The following PTPRN2 variants were observed in gnomAD, a reference collection of about 807,000 sequenced individuals.
The protein encoded by PTPRN2 is receptor-type tyrosine-protein phosphatase N2.
PTPRN2 carries 74 observed loss-of-function variants against 118.8 expected under a neutral mutation model. The ratio of observed to expected loss-of-function variants is 0.62; its 90% CI spans 0.52 to 0.76. The LOEUF is 0.76. PTPRN2 is among the 30% of genes least tolerant of loss of function. The pLI, the probability that PTPRN2 is intolerant of heterozygous loss-of-function variation, is 0.00. For missense variants in PTPRN2, 1,481 were observed against 1,394.4 expected, an observed-to-expected ratio of 1.06 and a Z score of -0.99; for synonymous variants, 641 against 608.0, an observed-to-expected ratio of 1.05 and a Z score of -0.80.
chr7:157,897,868 C>T (rs983409258), intron 12 of PTPRN2, among the ~76,000 whole-genome samples: 3 of 152,266 alleles, frequency 2.0e-5, no homozygotes, highest in Admixed American at 1.3e-4. Context: ...TCTCTAATGG[C>T]GAGCGCTGTG....
At chr7:158,451,749 A>G (rs1008962447) in intron 2 of PTPRN2, among the ~76,000 whole-genome samples, 6 of 152,214 alleles carry the variant, frequency 3.9e-5, no homozygotes, top group East Asian at 1.9e-4. Context: ...CTGAACATCC[A>G]TCACATAACT....
chr7:157,981,985 G>T (rs1185422217), intron 11 of PTPRN2, among the ~76,000 whole-genome samples: 2 of 135,798 alleles, frequency 1.5e-5, no homozygotes, highest in African/African-American at 2.7e-5. Context: ...GTACCGCCCA[G>T]AACCCCTGAG....
intron 11 of PTPRN2, among the ~76,000 whole-genome samples, chr7:157,960,545 G>A (rs1026083036): frequency 2.6e-5 from 4 of 152,094 alleles, no homozygotes; most frequent in African/African-American, 9.7e-5. Flanking sequence ...TTTAAAAAAT[G>A]TGCAGTAAAC....
chr7:158,201,550 CTT>C (rs1276890908), intron 4 of PTPRN2, among the ~76,000 whole-genome samples: 1 of 152,174 alleles, frequency 6.6e-6, no homozygotes, highest in Admixed American at 6.5e-5. Context: ...CTACTTTCCC[CTT>C]TGTTTTCCTT....
At chr7:157,950,414 C>T (rs1800734123) in intron 11 of PTPRN2, among the ~76,000 whole-genome samples, 2 of 152,188 alleles carry the variant, frequency 1.3e-5, no homozygotes, top group Admixed American at 6.5e-5. Context: ...GGGTCGAATG[C>T]TCACTGCTGG....
chr7:158,135,241 A>G (rs1818706727), intron 8 of PTPRN2, among the ~76,000 whole-genome samples: 1 of 152,244 alleles, frequency 6.6e-6, no homozygotes, highest in Non-Finnish European at 1.5e-5. Context: ...GAAGGACTAT[A>G]GAGGCAATTA....
chr7:158,081,428 C>G, intron 10 of PTPRN2, 51 bp from the exon 11 acceptor site: 1 of 1,543,782 alleles, frequency 6.5e-7, no homozygotes, highest in Non-Finnish European at 9.0e-7. Context: ...CGCGCCACAC[C>G]GCTTTTCTGA....
rs571162204 is a variant in PTPRN2, at chr7:158,238,119, C to T, written c.278-32846G>A. Among the ~76,000 whole-genome samples, 372 of 152,222 alleles carry T rather than the reference C, an allele frequency of 2.4e-3. 4 individuals are homozygous for T. Among genetic ancestry groups the T allele is most frequent in the Middle Eastern group, 6.8e-3 (2 of 294 alleles). On this transcript the variant is annotated intron_variant, in intron 3 of 22. Transcript: ENST00000389418. ...GTCCGCCCCGTCCTGCCTCTCGGGG[C>T]GGCTAAGTCGCTAAGTCACGCCCGT...
chr7:158,098,356 AG>A (rs949043902), intron 10 of PTPRN2, among the ~76,000 whole-genome samples: 2 of 152,200 alleles, frequency 1.3e-5, no homozygotes, highest in African/African-American at 4.8e-5. Context: ...GAAGGCTCCG[AG>A]GGACGGGCGG....
At chr7:158,130,142 G>C (rs1208959880) in intron 9 of PTPRN2, among the ~76,000 whole-genome samples, 2 of 152,176 alleles carry the variant, frequency 1.3e-5, no homozygotes, top group African/African-American at 4.8e-5. Flanking sequence ...ATGATATGCA[G>C]CTAATTCTCC....
intron 2 of PTPRN2, among the ~76,000 whole-genome samples, chr7:158,439,133 TACTGGACTGA>T (rs1816790167): frequency 6.6e-6 from 1 of 152,226 alleles, no homozygotes; most frequent in South Asian, 2.1e-4. Context: ...CATCCCGCCT[TACTGGACTGA>T]ACCAAAGTAT....
intron 19 of PTPRN2, among the ~76,000 whole-genome samples, 168 bp downstream of exon 19, chr7:157,576,445 G>T (rs1287958091): frequency 6.6e-6 from 1 of 152,122 alleles, no homozygotes; most frequent in Non-Finnish European, 1.5e-5. Flanking sequence ...CGATTAACAC[G>T]TGCCGTTAAC....
At chr7:158,153,523 C>T (rs1478715034) in intron 6 of PTPRN2, among the ~76,000 whole-genome samples, 2 of 152,162 alleles carry the variant, frequency 1.3e-5, no homozygotes, top group African/African-American at 2.4e-5. Context: ...CTGTCAGCTC[C>T]CCTAGAGGTT....
chr7:158,243,300 A>G (rs1328777930), intron 3 of PTPRN2, among the ~76,000 whole-genome samples: 1 of 152,224 alleles, frequency 6.6e-6, no homozygotes, highest in East Asian at 1.9e-4. Context: ...CCCAAAATTA[A>G]TCAATGCAAG....
At chr7:157,726,337 G>C (rs58336136) in intron 12 of PTPRN2, among the ~76,000 whole-genome samples, 2 of 131,254 alleles carry the variant, frequency 1.5e-5, no homozygotes, top group Non-Finnish European at 3.1e-5. Flanking sequence ...ACGCAGAGGA[G>C]TGTGGCCATA....
At chr7:158,133,560 C>T (rs777202324) in intron 9 of PTPRN2, 117 bp downstream of exon 9, 5 of 1,386,536 alleles carry the variant, frequency 3.6e-6, no homozygotes, top group Non-Finnish European at 4.8e-6. Flanking sequence ...CCCCATTATT[C>T]AGTTGAAGAC....
chr7:157,741,129 C>T (rs189564756), intron 12 of PTPRN2, among the ~76,000 whole-genome samples: 1 of 152,340 alleles, frequency 6.6e-6, no homozygotes, highest in East Asian at 1.9e-4. Flanking sequence ...ACGCCTCCTT[C>T]CACAGGCTCC....
At chr7:158,403,765 C>A (rs555961360) in intron 2 of PTPRN2, among the ~76,000 whole-genome samples, 3 of 152,130 alleles carry the variant, frequency 2.0e-5, no homozygotes, top group Non-Finnish European at 4.4e-5. Flanking sequence ...CAAAACCCCA[C>A]GAGGCTGAAT....
intron 2 of PTPRN2, among the ~76,000 whole-genome samples, chr7:158,404,125 G>C (rs1813166576): frequency 6.6e-6 from 1 of 152,188 alleles, no homozygotes; most frequent in Non-Finnish European, 1.5e-5. Context: ...GTGACAATAG[G>C]AGAGATCAAC....
Sources: allele counts gnomAD v4.1 joint callset (sites outside exome capture counted in the v4.1 genomes callset), GRCh38; gene constraint gnomAD v4.1.1; transcripts MANE v1.5; gene names NCBI Gene and HGNC (gene_info 2026-07-23, HGNC 2026-07-21).